The following GULP1 variants were observed in gnomAD, a reference collection of about 807,000 sequenced individuals.
GULP1 encodes the protein GULP PTB domain containing engulfment adaptor 1, also known as PTB domain-containing engulfment adapter protein 1.
In GULP1, 19 loss-of-function variants were observed where a neutral mutation model predicts 40.9. The ratio of observed to expected loss-of-function variants is 0.46; its 90% CI spans 0.32 to 0.68. The LOEUF (loss-of-function observed/expected upper bound fraction) is 0.68. Among genes scored for constraint, GULP1 ranks in the 30% least tolerant of loss-of-function variants. The pLI, the probability that GULP1 is intolerant of heterozygous loss-of-function variation, is 0.03. For synonymous variants in GULP1, 119 were observed against 117.6 expected, an observed-to-expected ratio of 1.01 and a Z score of -0.08; for missense variants, 312 against 362.2, an observed-to-expected ratio of 0.86 and a Z score of 1.12.
At chr2:188,504,925 T>C (rs1243089265) in intron 4 of GULP1, among the ~76,000 whole-genome samples, 1 of 151,758 alleles carries the variant, frequency 6.6e-6, no homozygotes, top group Non-Finnish European at 1.5e-5. Context: ...TGCAAACCTG[T>C]TTCTACTCTT....
At chr2:188,413,352 T>C (rs1242871120) in intron 2 of GULP1, among the ~76,000 whole-genome samples, 1 of 152,180 alleles carries the variant, frequency 6.6e-6, no homozygotes. Context: ...CCAGCATCTG[T>C]TGTTTCCTGA....
chr2:188,347,892 C>T (rs910176324), intron 1 of GULP1, among the ~76,000 whole-genome samples: 1 of 152,110 alleles, frequency 6.6e-6, no homozygotes, highest in African/African-American at 2.4e-5. Context: ...CCCTGGGATT[C>T]CAGGCATGAG....
rs551168971 is a variant in GULP1 at position 188,406,565 on chromosome 2, T to C, written c.-45+22676T>C. Among the ~76,000 whole-genome samples, 14 of 152,048 alleles carry C rather than the reference T, an allele frequency of 9.2e-5. No homozygotes were observed. In the East Asian group the frequency reaches 2.7e-3, roughly 29 times the overall value. On this transcript the variant is annotated intron_variant, in intron 2 of 11. Transcript: ENST00000409830. ...GAAATTATGGAGCTGAAAAATACAA[T>C]TAATGAAATAAAAAATGCAATAGAG...
At chr2:188,567,982 T>C (rs1698163371) in intron 7 of GULP1, among the ~76,000 whole-genome samples, 1 of 152,192 alleles carries the variant, frequency 6.6e-6, no homozygotes, top group Non-Finnish European at 1.5e-5. Context: ...TTTTCATTTA[T>C]TTGGTAGTTT....
chr2:188,475,712 A>AT (rs887903126), intron 2 of GULP1, among the ~76,000 whole-genome samples: 24 of 151,946 alleles, frequency 1.6e-4, no homozygotes, highest in African/African-American at 5.5e-4. Context: ...GTTTATTTTT[A>AT]TTTTTTCCTT....
chr2:188,330,036 G>C (rs1264833493), intron 1 of GULP1, among the ~76,000 whole-genome samples: 2 of 152,114 alleles, frequency 1.3e-5, no homozygotes, highest in Non-Finnish European at 2.9e-5. Context: ...GTGTAGGCTA[G>C]AGATACAAAT....
chr2:188,320,194 A>G (rs1322196231), intron 1 of GULP1, among the ~76,000 whole-genome samples: 1 of 152,172 alleles, frequency 6.6e-6, no homozygotes, highest in Non-Finnish European at 1.5e-5. Flanking sequence ...GAGCAACACC[A>G]TGGTGGTAGA....
chr2:188,534,116 A>G (rs1350653603), intron 6 of GULP1, among the ~76,000 whole-genome samples: 1 of 152,126 alleles, frequency 6.6e-6, no homozygotes, highest in Admixed American at 6.6e-5. Flanking sequence ...CAGCAACCCT[A>G]ATGCTGGTTG....
Position 188,417,300 on chromosome 2 carries a change from T to C in GULP1, c.-45+33411T>C, listed in dbSNP as rs531701895. Among the ~76,000 whole-genome samples, 5 of 152,336 alleles carry C rather than the reference T, an allele frequency of 3.3e-5. No homozygotes were observed. In the South Asian group the frequency reaches 8.3e-4, roughly 25 times the overall value. On this transcript the variant is annotated intron_variant, in intron 2 of 11. Coordinates refer to ENST00000409830, the MANE Select transcript of GULP1 (RefSeq NM_016315.4). ...TGGATTATAAAGAATTGTTTTGTTA[T>C]ATGGTTGCTCAAGCTAGTGCTTTTG...
At chr2:188,508,697 CTA>C (rs1186835376) in intron 4 of GULP1, among the ~76,000 whole-genome samples, 2 of 151,716 alleles carry the variant, frequency 1.3e-5, no homozygotes, top group South Asian at 2.1e-4. Context: ...TATATTGACT[CTA>C]TAAAATAATA....
At chr2:188,514,807 A>G (rs778348637) in intron 4 of GULP1, among the ~76,000 whole-genome samples, 2 of 152,238 alleles carry the variant, frequency 1.3e-5, no homozygotes, top group African/African-American at 2.4e-5. Context: ...GCAATAAAAA[A>G]TAAACCTTTT....
chr2:188,359,759 A>C, intron 1 of GULP1, among the ~76,000 whole-genome samples: 1 of 152,176 alleles, frequency 6.6e-6, no homozygotes, highest in Non-Finnish European at 1.5e-5. Context: ...GTTTTTCCTT[A>C]GCATGGTTTT....
chr2:188,330,240 T>G (rs1390765557), intron 1 of GULP1, among the ~76,000 whole-genome samples: 1 of 152,146 alleles, frequency 6.6e-6, no homozygotes, highest in Non-Finnish European at 1.5e-5. Flanking sequence ...AAAAATAAAC[T>G]TATCTATTTT....
chr2:188,496,958 A>G (rs1575604521), intron 4 of GULP1, among the ~76,000 whole-genome samples: 1 of 151,818 alleles, frequency 6.6e-6, no homozygotes, highest in Admixed American at 6.6e-5. Flanking sequence ...CTTTCACCAT[A>G]TTGGAAAGTT....
chr2:188,461,502 T>G (rs1335043087), intron 2 of GULP1, among the ~76,000 whole-genome samples: 6 of 151,892 alleles, frequency 4.0e-5, no homozygotes, highest in Non-Finnish European at 8.8e-5. Flanking sequence ...GTATTTTTAG[T>G]AGAGATGGGT....
intron 1 of GULP1, among the ~76,000 whole-genome samples, chr2:188,325,652 T>C (rs1238956417): frequency 2.6e-5 from 4 of 152,120 alleles, no homozygotes; most frequent in African/African-American, 9.7e-5. Context: ...ATTCTAAAGC[T>C]TCTCTTGGCT....
intron 1 of GULP1, among the ~76,000 whole-genome samples, chr2:188,355,948 T>C (rs1277362092): frequency 1.3e-5 from 2 of 152,190 alleles, no homozygotes; most frequent in South Asian, 2.1e-4. Flanking sequence ...ATTATCTCAA[T>C]GGACACAGAA....
intron 1 of GULP1, among the ~76,000 whole-genome samples, chr2:188,296,494 A>G (rs1348053310): frequency 6.6e-6 from 1 of 152,088 alleles, no homozygotes; most frequent in Non-Finnish European, 1.5e-5. Context: ...GTGGGATAGT[A>G]AGTGTCAATT....
intron 7 of GULP1, among the ~76,000 whole-genome samples, chr2:188,547,298 C>A (rs2153358400): frequency 6.7e-6 from 1 of 150,106 alleles, no homozygotes; most frequent in East Asian, 2.0e-4. Context: ...TGTAAAAATT[C>A]CTAAGGAAAT....
Sources: allele counts gnomAD v4.1 joint callset (sites outside exome capture counted in the v4.1 genomes callset), GRCh38; gene constraint gnomAD v4.1.1; transcripts MANE v1.5; gene names NCBI Gene and HGNC (gene_info 2026-07-23, HGNC 2026-07-21).